PTPRG: variants seen among roughly 807,000 people sequenced by gnomAD.
PTPRG encodes receptor-type tyrosine-protein phosphatase gamma.
A neutral mutation model predicts 165.3 loss-of-function variants in PTPRG; 102 were observed. The ratio of observed to expected loss-of-function variants is 0.62; its 90% confidence interval spans 0.53 to 0.73. PTPRG has a LOEUF of 0.73. Among genes scored for constraint, PTPRG ranks in the 30% least tolerant of loss-of-function variants. The pLI is 0.00. For synonymous variants in PTPRG, 675 were observed against 669.5 expected, an observed-to-expected ratio of 1.01 and a Z score of -0.13; for missense variants, 1,866 against 1,861.4, an observed-to-expected ratio of 1.00 and a Z score of -0.05.
In PTPRG at chr3:62,224,766, G is replaced by A. The variant is rs953448782; in HGVS notation, c.2288+5783G>A. Among the ~76,000 whole-genome samples the A allele has an allele frequency of 2.0e-5, 3 of 152,116 alleles. No individual in the cohort carries two copies. Among genetic ancestry groups the A allele is most frequent in the African/African-American group, 7.2e-5 (3 of 41,416 alleles). ...GACTATTTGAGCAGTGTTTTTATAG[G>A]CAGCAACATGGATCTGTGGGGAGAC... On this transcript the variant is annotated intron_variant, in intron 13 of 29. Transcript: ENST00000474889. The surrounding 1 kb of genome is among the most constrained non-coding windows in gnomAD (Gnocchi z 4.9).
At chr3:62,196,338 G>T (rs1196301289) in intron 10 of PTPRG, among the ~76,000 whole-genome samples, 1 of 152,084 alleles carries the variant, frequency 6.6e-6, no homozygotes, top group Admixed American at 6.5e-5. Flanking sequence ...GGAAGGCGGA[G>T]GTTGCAGTGA....
At chr3:62,234,426 C>G (rs899959519) in intron 14 of PTPRG, among the ~76,000 whole-genome samples, 3 of 152,122 alleles carry the variant, frequency 2.0e-5, no homozygotes, top group Non-Finnish European at 2.9e-5. Flanking sequence ...TAATGGGATA[C>G]CAAGGTGGGC....
intron 2 of PTPRG, chr3:61,770,790 G>GT (rs2034185058): frequency 6.6e-6 from 1 of 152,096 alleles, no homozygotes; most frequent in Admixed American, 6.6e-5. Context: ...TAAAAGTTGG[G>GT]TTTTTTAATT....
At chr3:62,244,764 G>C (rs183024641) in intron 15 of PTPRG, among the ~76,000 whole-genome samples, 1 of 152,100 alleles carries the variant, frequency 6.6e-6, no homozygotes, top group Non-Finnish European at 1.5e-5. Flanking sequence ...TACAATGAGA[G>C]CTTTATAAGG....
At chr3:62,105,305 G>A (rs1702436575) in intron 5 of PTPRG, among the ~76,000 whole-genome samples, 1 of 152,162 alleles carries the variant, frequency 6.6e-6, no homozygotes, top group Non-Finnish European at 1.5e-5. Context: ...TTAATGTTCT[G>A]GTGTGTGATC....
In PTPRG at chr3:62,203,529, G is replaced by A. The variant is rs773937538; in HGVS notation, c.1734G>A (p.Glu578=). Residue 578 remains glutamate (E), a synonymous_variant, in exon 12 of 30, where the codon GAG becomes GAA. Coordinates refer to ENST00000474889, the MANE Select transcript of PTPRG (RefSeq NM_002841.4). This position sits in a 1 kb window ranked among gnomAD's most constrained non-coding sequence, Gnocchi z 6.4. ...CAACCAAGGACGGCGAGGGCACCGA[G>A]GAAGGAGAGAAGGATGAGAAAAGCG... ...SSPTKDGEGT[E]EGEKDEKSES... is the part of the protein sequence containing the mutation. 3.9e-6 allele frequency: 6 copies of A among 1,555,408 alleles called. No homozygotes were observed. Among genetic ancestry groups the A allele is most frequent in the East Asian group, 4.9e-5 (2 of 41,108 alleles).
Position 61,903,396 on chromosome 3 carries a change from C to T in PTPRG, c.191-86229C>T, listed in dbSNP as rs576949359. On this transcript the variant is annotated intron_variant, in intron 2 of 29. Coordinates refer to ENST00000474889, the MANE Select transcript of PTPRG (RefSeq NM_002841.4). ...CTTTTTTTATTTTTAGTTTTTGAGA[C>T]GGAGTCTTGTTCTGTCTCCCAGGCT... 2.7e-3 allele frequency among the ~76,000 whole-genome samples: 408 copies of T among 152,256 alleles called. 2 individuals carry two copies. Among genetic ancestry groups the T allele is most frequent in the African/African-American group, 9.4e-3 (390 of 41,554 alleles).
At chr3:61,771,585 T>G (rs2034209258) in intron 2 of PTPRG, among the ~76,000 whole-genome samples, 1 of 152,164 alleles carries the variant, frequency 6.6e-6, no homozygotes, top group Non-Finnish European at 1.5e-5. Context: ...TTAAATTACT[T>G]TGGAGATGAG....
At position 61,621,300 on chromosome 3, in the gene PTPRG, C is replaced by A. The variant is rs954301354; in HGVS notation, c.85+58928C>A. ...GAGGCTGGCACTGGAGAATGTTGGG[C>A]CGTCCTTCCTTCCATCCTGCAGGGA... On this transcript the variant is annotated intron_variant, in intron 1 of 29. Transcript: ENST00000474889. 3.3e-5 allele frequency among the ~76,000 whole-genome samples: 5 copies of A among 152,112 alleles called. No individual in the cohort carries two copies. In the East Asian group the frequency reaches 9.7e-4, roughly 29 times the overall value.
chr3:61,883,890 G>GT (rs1046484691), intron 2 of PTPRG, among the ~76,000 whole-genome samples: 8 of 152,166 alleles, frequency 5.3e-5, no homozygotes, highest in South Asian at 2.1e-4. Flanking sequence ...TTCTGTTTTT[G>GT]TTTTTTGTAG....
rs150320163 is a variant in PTPRG at position 61,668,304 on chromosome 3, A to AC, written c.86-80570dup. 5.6e-3 allele frequency among the ~76,000 whole-genome samples: 851 copies of AC among 152,332 alleles called. 8 individuals carry two copies. Among genetic ancestry groups the AC allele is most frequent in the African/African-American group, 0.02 (814 of 41,568 alleles). ...ATGAATGTGAAATCATTTACAGGAC[A>AC]CCCCTCTATCAGGCATTTGGGGGAA... On this transcript the variant is annotated intron_variant, in intron 1 of 29. Transcript: ENST00000474889.
intron 8 of PTPRG, among the ~76,000 whole-genome samples, chr3:62,184,642 A>G (rs1178545870): frequency 6.6e-6 from 1 of 152,180 alleles, no homozygotes; most frequent in Non-Finnish European, 1.5e-5. Context: ...AGGGCCAGGC[A>G]GTCCCCAAGA....
chr3:62,032,180 G>T (rs1232538877), intron 4 of PTPRG, among the ~76,000 whole-genome samples: 1 of 152,180 alleles, frequency 6.6e-6, no homozygotes, highest in Non-Finnish European at 1.5e-5. Context: ...AGTTGGACTA[G>T]CCAGAGAAGT....
intron 2 of PTPRG, among the ~76,000 whole-genome samples, chr3:61,983,776 T>C (rs1455086516): frequency 1.3e-5 from 2 of 152,136 alleles, no homozygotes; most frequent in Non-Finnish European, 2.9e-5. Flanking sequence ...GTGAGACAGT[T>C]TGCTTAAATT....
In PTPRG at chr3:62,166,318, CT is replaced by C. The variant is rs546107620; in HGVS notation, c.841-1646del. ...CCATTCCTCATATGTAATAGAATTA[CT>C]TTTTTTATTTTTAAAAATTTTTTTA... On this transcript the variant is annotated intron_variant, in intron 7 of 29. Transcript: ENST00000474889. Among the ~76,000 whole-genome samples, 105 of 134,866 alleles carry C rather than the reference CT, an allele frequency of 7.8e-4. 3 individuals are homozygous for C. In the East Asian group the frequency reaches 0.019, roughly 24 times the overall value. 88.5% of individuals were successfully genotyped at this position (134,866 alleles called of 152,430 possible).
At chr3:62,117,439 A>C (rs192468490) in intron 5 of PTPRG, among the ~76,000 whole-genome samples, 1 of 152,328 alleles carries the variant, frequency 6.6e-6, no homozygotes, top group African/African-American at 2.4e-5. Context: ...CAGGGATACC[A>C]AGATCTGATT....
chr3:62,018,501 A>G (rs62243281), intron 4 of PTPRG, among the ~76,000 whole-genome samples: 42,985 of 152,110 alleles, frequency 0.28, 6,227 homozygotes, highest in East Asian at 0.36. Context: ...CTCTCTTTCC[A>G]GTTGGCCAAT....
At chr3:61,929,871 T>G (rs1215840482) in intron 2 of PTPRG, among the ~76,000 whole-genome samples, 1 of 152,206 alleles carries the variant, frequency 6.6e-6, no homozygotes, top group Non-Finnish European at 1.5e-5. Context: ...TTTATTTCAT[T>G]TGTACCATAT....
intron 6 of PTPRG, among the ~76,000 whole-genome samples, chr3:62,143,909 A>G (rs749153739): frequency 6.6e-6 from 1 of 152,210 alleles, no homozygotes; most frequent in Non-Finnish European, 1.5e-5. Context: ...TCTCACGAGT[A>G]TCATCGCTAA....
Sources: gnomAD v4.1 joint callset for allele counts (sites outside exome capture counted in the v4.1 genomes callset) on GRCh38, gnomAD v4.1.1 for gene constraint, Gnocchi (gnomAD v3.1) non-coding constraint, MANE v1.5 for transcripts, NCBI Gene and HGNC (gene_info 2026-07-23, HGNC 2026-07-21) for gene names.